EEFSEC: variants seen among roughly 807,000 people sequenced by gnomAD.
EEFSEC encodes selenocysteine-specific elongation factor.
Under a neutral mutation model 42.1 loss-of-function variants are expected in EEFSEC, and 43 were observed. The ratio of observed to expected loss-of-function variants is 1.02; its 90% CI spans 0.80 to 1.32. The LOEUF is 1.32. Ranked by LOEUF, EEFSEC falls within the 40% of genes most tolerant of loss-of-function variation. The probability of loss-of-function intolerance (pLI) is 0.00; values close to 1 mark genes in which losing one functional copy is unlikely to be tolerated. For missense variants in EEFSEC, 745 were observed against 803.6 expected, an observed-to-expected ratio of 0.93 and a Z score of 0.88; for synonymous variants, 354 against 339.1, an observed-to-expected ratio of 1.04 and a Z score of -0.48.
chr3:128,350,365 C>T (rs1368074819), intron 5 of EEFSEC, among the ~76,000 whole-genome samples: 1 of 152,196 alleles, frequency 6.6e-6, no homozygotes, highest in Non-Finnish European at 1.5e-5. Context: ...TTGCAGGAAG[C>T]CATGCTGTGG....
intron 1 of EEFSEC, among the ~76,000 whole-genome samples, chr3:128,192,760 A>G (rs1216178155): frequency 1.3e-5 from 2 of 152,218 alleles, no homozygotes; most frequent in Non-Finnish European, 2.9e-5. Flanking sequence ...TACAGAAAAG[A>G]TACAGAAGAC....
intron 3 of EEFSEC, 22 bp from the exon 4 acceptor site, chr3:128,264,594 TG>T: frequency 2.5e-6 from 4 of 1,611,704 alleles, no homozygotes; most frequent in Non-Finnish European, 3.4e-6. Context: ...CCACGGACTG[TG>T]GCACCAGTTT....
intron 4 of EEFSEC, among the ~76,000 whole-genome samples, chr3:128,297,685 G>C (rs371854009): frequency 2.0e-5 from 3 of 152,152 alleles, no homozygotes; most frequent in African/African-American, 7.2e-5. Flanking sequence ...CCTTGATTCT[G>C]GGCTCCAGTT....
Position 128,313,306 on chromosome 3 carries a change from C to T in EEFSEC, c.787-27927C>T, listed in dbSNP as rs2066910371. ...CCATTTGTGAAAGCCAAGGACAGGG[C>T]AAAATGGAGATGCAAGGAAGGGTTT... is the stretch of plus-strand genomic sequence containing the variant. On this transcript the variant is annotated intron_variant, in intron 4 of 6. Coordinates refer to ENST00000254730, the MANE Select transcript of EEFSEC (RefSeq NM_021937.5). 1.3e-5 allele frequency among the ~76,000 whole-genome samples: 2 copies of T among 152,184 alleles called. 1 individual carries two copies. Among genetic ancestry groups the T allele is most frequent in the Non-Finnish European group, 2.9e-5 (2 of 68,026 alleles).
intron 4 of EEFSEC, among the ~76,000 whole-genome samples, chr3:128,293,660 CAAAAAAAAA>C (rs759485696): frequency 6.4e-4 from 9 of 14,144 alleles, no homozygotes; most frequent in Non-Finnish European, 1.0e-3. Context: ...GACTCTATCT[CAAAAAAAAA>C]AAAAAAAAAA....
At chr3:128,287,962 G>A (rs748353120) in intron 4 of EEFSEC, among the ~76,000 whole-genome samples, 24 of 81,572 alleles carry the variant, frequency 2.9e-4, no homozygotes, top group Admixed American at 3.9e-4. Context: ...GTTTCCCCCC[G>A]CCCCCCCCAA....
intron 1 of EEFSEC, among the ~76,000 whole-genome samples, chr3:128,240,986 G>A (rs750338316): frequency 6.6e-5 from 10 of 152,198 alleles, no homozygotes; most frequent in Non-Finnish European, 7.3e-5. Context: ...CTGAGTTGGG[G>A]ACCTCTGAAA....
At chr3:128,276,025 C>T (rs111543218) in intron 4 of EEFSEC, among the ~76,000 whole-genome samples, 31 of 152,330 alleles carry the variant, frequency 2.0e-4, no homozygotes, top group African/African-American at 6.5e-4. Flanking sequence ...TCCGCCCCCT[C>T]ATGCCCTGCC....
chr3:128,210,353 A>G (rs940122931), intron 1 of EEFSEC, among the ~76,000 whole-genome samples: 2 of 152,140 alleles, frequency 1.3e-5, no homozygotes, highest in Non-Finnish European at 2.9e-5. Flanking sequence ...CTTCTGCAGG[A>G]AGTCAGTATG....
intron 1 of EEFSEC, among the ~76,000 whole-genome samples, chr3:128,166,096 AG>A (rs1327244320): frequency 6.6e-6 from 1 of 152,190 alleles, no homozygotes; most frequent in African/African-American, 2.4e-5. Context: ...CGCTCTAGAG[AG>A]GAAAGACTTT....
chr3:128,424,389 T>C, the EEFSEC span, among the ~76,000 whole-genome samples: 1 of 152,136 alleles, frequency 6.6e-6, no homozygotes, highest in Admixed American at 6.5e-5. Context: ...TTTTGTTTTG[T>C]TTTGCTTTGT....
intron 5 of EEFSEC, among the ~76,000 whole-genome samples, chr3:128,351,029 T>C (rs1232801634): frequency 2.0e-5 from 3 of 152,176 alleles, no homozygotes; most frequent in Non-Finnish European, 4.4e-5. Context: ...TCATCCATGA[T>C]CAGGCAGCCT....
At chr3:128,184,373 G>A (rs149472963) in intron 1 of EEFSEC, among the ~76,000 whole-genome samples, 83 of 152,106 alleles carry the variant, frequency 5.5e-4, no homozygotes, top group African/African-American at 1.9e-3. Context: ...CCTGGCCACC[G>A]CCATTCTATT....
intron 5 of EEFSEC, among the ~76,000 whole-genome samples, chr3:128,351,203 G>A (rs1286156829): frequency 6.6e-6 from 1 of 152,060 alleles, no homozygotes; most frequent in East Asian, 1.9e-4. Context: ...GGCTTCTCTT[G>A]GGCAGATTAG....
At chr3:128,418,398 C>A in the EEFSEC span, among the ~76,000 whole-genome samples, 1 of 152,064 alleles carries the variant, frequency 6.6e-6, no homozygotes, top group Non-Finnish European at 1.5e-5. Context: ...CGGCTCTGCC[C>A]GACTCCTCTC....
downstream of EEFSEC, among the ~76,000 whole-genome samples, chr3:128,409,649 G>T (rs2068160051): frequency 6.6e-6 from 1 of 152,190 alleles, no homozygotes; most frequent in Non-Finnish European, 1.5e-5. Flanking sequence ...GGTGAGCGTG[G>T]CCTCCGCGGC....
the EEFSEC span, among the ~76,000 whole-genome samples, chr3:128,425,107 A>G: frequency 6.6e-6 from 1 of 152,218 alleles, no homozygotes; most frequent in Non-Finnish European, 1.5e-5. Context: ...TGAAAAACAC[A>G]TTCAGTTGTG....
At chr3:128,332,941 G>A (rs1236108422) in intron 4 of EEFSEC, among the ~76,000 whole-genome samples, 2 of 152,242 alleles carry the variant, frequency 1.3e-5, no homozygotes, top group African/African-American at 4.8e-5. Context: ...TAGGTCTGAT[G>A]GAGCCAAACC....
At chr3:128,424,721 C>T in the EEFSEC span, among the ~76,000 whole-genome samples, 2 of 152,052 alleles carry the variant, frequency 1.3e-5, no homozygotes, top group East Asian at 1.9e-4. Context: ...TTCAAACATA[C>T]GAAAAGTGCG....
Sources: gnomAD v4.1 joint callset for allele counts (sites outside exome capture counted in the v4.1 genomes callset) on GRCh38, gnomAD v4.1.1 for gene constraint, MANE v1.5 for transcripts, NCBI Gene and HGNC (gene_info 2026-07-23, HGNC 2026-07-21) for gene names.